Variants in TBC1D21 observed in about 807,000 individuals in gnomAD.
TBC1D21 encodes TBC1 domain family member 21.
A neutral mutation model predicts 46.0 loss-of-function variants in TBC1D21; 38 were observed. The ratio of observed to expected loss-of-function variants is 0.83; its 90% confidence interval spans 0.64 to 1.08. TBC1D21 has a LOEUF of 1.08. Among genes scored for constraint, TBC1D21 ranks in the 50% least tolerant of loss-of-function variants. TBC1D21 has a pLI of 0.00. For missense variants in TBC1D21, 415 were observed against 417.9 expected, an observed-to-expected ratio of 0.99 and a Z score of 0.06; for synonymous variants, 151 against 157.2, an observed-to-expected ratio of 0.96 and a Z score of 0.29.
chr15:73,883,020 T>C (rs2068181604), intron 3 of TBC1D21, among the ~76,000 whole-genome samples: 1 of 152,240 alleles, frequency 6.6e-6, no homozygotes, highest in Non-Finnish European at 1.5e-5. Context: ...CCGTACACAC[T>C]GGCTGAGTCA....
the TBC1D21 span, among the ~76,000 whole-genome samples, chr15:73,895,450 C>T: frequency 6.6e-6 from 1 of 152,302 alleles, no homozygotes; most frequent in East Asian, 1.9e-4. Flanking sequence ...TCTTAGAGCC[C>T]TTCAGCTGAC....
chr15:73,898,605 T>C, the TBC1D21 span, among the ~76,000 whole-genome samples: 1 of 152,020 alleles, frequency 6.6e-6, no homozygotes, highest in East Asian at 1.9e-4. Flanking sequence ...GGCTCATGTC[T>C]GTAATCCCAG....
At chr15:73,896,543 T>A in the TBC1D21 span, among the ~76,000 whole-genome samples, 1 of 151,282 alleles carries the variant, frequency 6.6e-6, no homozygotes, top group Non-Finnish European at 1.5e-5. Flanking sequence ...GACAATGAGT[T>A]CTCAAAACTC....
chr15:73,892,599 CT>C (rs2094809715), downstream of TBC1D21, among the ~76,000 whole-genome samples: 2 of 152,254 alleles, frequency 1.3e-5, no homozygotes, highest in African/African-American at 4.8e-5. Flanking sequence ...GGAGCTGCCC[CT>C]CCCACCACAG....
intron 3 of TBC1D21, among the ~76,000 whole-genome samples, chr15:73,882,178 C>G (rs1294318931): frequency 6.6e-6 from 1 of 152,186 alleles, no homozygotes; most frequent in Non-Finnish European, 1.5e-5. Flanking sequence ...ACTGTTTCCT[C>G]CCGGTGCCCA....
the TBC1D21 span, among the ~76,000 whole-genome samples, chr15:73,900,243 A>G: frequency 6.6e-6 from 1 of 152,150 alleles, no homozygotes; most frequent in Admixed American, 6.5e-5. Flanking sequence ...ATGAAACAAG[A>G]CAGGCCCCTC....
At chr15:73,891,538 T>C (rs2068336468), downstream of TBC1D21, among the ~76,000 whole-genome samples, 1 of 152,136 alleles carries the variant, frequency 6.6e-6, no homozygotes, top group Non-Finnish European at 1.5e-5. Context: ...CCACCCTCCC[T>C]GGCACAGCTG....
chr15:73,907,447 A>G, the TBC1D21 span, among the ~76,000 whole-genome samples: 1 of 152,278 alleles, frequency 6.6e-6, no homozygotes, highest in Admixed American at 6.5e-5. Flanking sequence ...CAGGAACCAA[A>G]TCTTAGCTTG....
At chr15:73,898,358 A>AT in the TBC1D21 span, among the ~76,000 whole-genome samples, 1 of 152,164 alleles carries the variant, frequency 6.6e-6, no homozygotes. Context: ...CCTCAACCTG[A>AT]TTCCTAAACA....
chr15:73,884,966 A>AAC, intron 5 of TBC1D21, 37 bp from the exon 6 acceptor site: 2 of 1,144,002 alleles, frequency 1.7e-6, no homozygotes, highest in Non-Finnish European at 2.5e-6. Flanking sequence ...AGGCTCTCCC[A>AAC]CCCAGCCCCT....
intron 1 of TBC1D21, among the ~76,000 whole-genome samples, chr15:73,877,514 TAAAAAAAAAAA>T (rs541803630): frequency 0.067 from 4,848 of 72,542 alleles, 6 homozygotes; most frequent in South Asian, 0.11. Context: ...TCCAGAAAAC[TAAAAAAAAAAA>T]AAAAAAAAAA....
chr15:73,896,925 G>A, the TBC1D21 span, among the ~76,000 whole-genome samples: 1 of 152,194 alleles, frequency 6.6e-6, no homozygotes, highest in Admixed American at 6.5e-5. Context: ...GAATGGGGCT[G>A]CCATATGTGT....
chr15:73,876,225 T>TTTTTTTTG, intron 1 of TBC1D21, among the ~76,000 whole-genome samples: 1 of 59,008 alleles, frequency 1.7e-5, no homozygotes. Context: ...TTTTTTTTTT[T>TTTTTTTTG]TTTTTTTTTT....
chr15:73,894,675 G>C, the TBC1D21 span, among the ~76,000 whole-genome samples: 1 of 152,164 alleles, frequency 6.6e-6, no homozygotes, highest in Non-Finnish European at 1.5e-5. Flanking sequence ...TGAGGGGAGA[G>C]GCGCGCAGCT....
the TBC1D21 span, among the ~76,000 whole-genome samples, chr15:73,897,361 C>T: frequency 1.3e-5 from 2 of 152,178 alleles, no homozygotes; most frequent in African/African-American, 4.8e-5. Context: ...TGCATTTAGC[C>T]CAGCAAACTT....
At chr15:73,904,114 G>A in the TBC1D21 span, among the ~76,000 whole-genome samples, 1 of 152,168 alleles carries the variant, frequency 6.6e-6, no homozygotes, top group African/African-American at 2.4e-5. Flanking sequence ...CTTAGCCCAG[G>A]CATTTCATCT....
chr15:73,889,624 T>C (rs2068319995), downstream of TBC1D21, among the ~76,000 whole-genome samples: 1 of 152,220 alleles, frequency 6.6e-6, no homozygotes, highest in African/African-American at 2.4e-5. Context: ...GATTTCCTGC[T>C]AGTCTGTGGA....
intron 3 of TBC1D21, among the ~76,000 whole-genome samples, chr15:73,883,194 C>A (rs1379278286): frequency 6.6e-6 from 1 of 152,200 alleles, no homozygotes; most frequent in Non-Finnish European, 1.5e-5. Flanking sequence ...AAAAGATTCA[C>A]GTGTCGGGGC....
At chr15:73,876,402 T>TTG (rs1555428985) in intron 1 of TBC1D21, among the ~76,000 whole-genome samples, 4 of 147,164 alleles carry the variant, frequency 2.7e-5, no homozygotes, top group Admixed American at 6.8e-5. Context: ...TAATTTTTGT[T>TTG]TTTTTTTTTT....
Sources: allele counts gnomAD v4.1 joint callset (sites outside exome capture counted in the v4.1 genomes callset), GRCh38; gene constraint gnomAD v4.1.1; transcripts MANE v1.5; gene names NCBI Gene and HGNC (gene_info 2026-07-23, HGNC 2026-07-21).